RAD54B: variants seen among roughly 807,000 people sequenced by gnomAD.
RAD54B encodes the protein RAD54 homolog B, also known as DNA repair and recombination protein RAD54B.
Under a neutral mutation model 95.8 loss-of-function variants are expected in RAD54B, and 78 were observed. The observed-to-expected ratio is 0.81, with a 90% CI of 0.68 to 0.98. The LOEUF (loss-of-function observed/expected upper bound fraction) is 0.98. Ranked by LOEUF, RAD54B falls within the 50% of genes least tolerant of loss-of-function variation. The pLI, the probability that RAD54B is intolerant of heterozygous loss-of-function variation, is 0.00. For missense variants in RAD54B, 957 were observed against 1,056.6 expected, an observed-to-expected ratio of 0.91 and a Z score of 1.31; for synonymous variants, 328 against 354.9, an observed-to-expected ratio of 0.92 and a Z score of 0.85.
In RAD54B at chr8:94,378,645, TA is replaced by T; in HGVS notation, c.2248-12del. ...TACTCTAGACATTGCCTATAGAAAA[TA>T]AGTGAGAATTCTGAGAGTACAGTAG... On this transcript the variant is annotated splice_polypyrimidine_tract_variant and intron_variant, in intron 12 of 14. Transcript: ENST00000336148. 6.3e-7 allele frequency: 1 copy of T among 1,580,774 alleles called. No individual in the cohort carries two copies. The highest frequency in any genetic ancestry group is 8.6e-7 in the Non-Finnish European group (1 of 1,157,194).
rs1811427146 is a variant in RAD54B, at chr8:94,407,632, T to C, written c.588A>G (p.Val196=). 1.2e-6 allele frequency: 2 copies of C among 1,613,904 alleles called. No individual in the cohort carries two copies. The highest frequency in any genetic ancestry group is 1.1e-5 in the South Asian group (1 of 91,074). Residue 196 remains valine (V), a synonymous_variant, in exon 5 of 15, where the codon GTA becomes GTG. Transcript: ENST00000336148. ...ICGKEIEVMG[V]ISPDDFSSGR... The stretch of plus-strand genomic sequence containing the variant: ...CACTGCTGAAGTCATCTGGAGAGAT[T>C]ACACCCATGACTTCTATTTCTTTTC...
intron 3 of RAD54B, chr8:94,429,705 G>T: frequency 1.3e-5 from 13 of 983,430 alleles, no homozygotes; most frequent in African/African-American, 1.7e-5. Context: ...AAAGAGAAAA[G>T]GTAACATTGT....
intron 4 of RAD54B, among the ~76,000 whole-genome samples, chr8:94,408,385 T>C (rs1043453046): frequency 2.6e-5 from 4 of 152,178 alleles, no homozygotes; most frequent in Non-Finnish European, 2.9e-5. Context: ...ACTAACCACA[T>C]AGATGGCATT....
At chr8:94,442,210 C>T (rs2130136592) in intron 3 of RAD54B, among the ~76,000 whole-genome samples, 1 of 152,190 alleles carries the variant, frequency 6.6e-6, no homozygotes, top group Middle Eastern at 3.4e-3. Flanking sequence ...GAAGTAGAGA[C>T]TTGATTAGTG....
intron 11 of RAD54B, among the ~76,000 whole-genome samples, chr8:94,384,568 A>AAACT (rs1810825177): frequency 6.6e-6 from 1 of 152,144 alleles, no homozygotes; most frequent in African/African-American, 2.4e-5. Context: ...TTTGTTTGCA[A>AAACT]GATGCAAAGA....
chr8:94,465,143 G>GGAAA (rs1166538593), intron 2 of RAD54B, among the ~76,000 whole-genome samples: 1 of 151,940 alleles, frequency 6.6e-6, no homozygotes, highest in African/African-American at 2.4e-5. Context: ...ATTTTAAAAA[G>GGAAA]GAAAGAAAGA....
At chr8:94,456,762 T>C (rs1812789340) in intron 3 of RAD54B, among the ~76,000 whole-genome samples, 2 of 152,094 alleles carry the variant, frequency 1.3e-5, no homozygotes. Flanking sequence ...ACTAAACAGG[T>C]CTCTCATCTC....
chr8:94,391,274 C>G (rs1309154745), intron 10 of RAD54B, among the ~76,000 whole-genome samples: 2 of 151,040 alleles, frequency 1.3e-5, no homozygotes, highest in Non-Finnish European at 2.9e-5. Context: ...TTGTCAGCAC[C>G]AAACAAACAA....
At chr8:94,437,211 G>A (rs1812289097) in intron 3 of RAD54B, among the ~76,000 whole-genome samples, 1 of 152,244 alleles carries the variant, frequency 6.6e-6, no homozygotes. Flanking sequence ...CTAATTTAGT[G>A]AGAATATCAA....
intron 1 of RAD54B, among the ~76,000 whole-genome samples, chr8:94,469,062 G>C (rs1813101762): frequency 6.8e-6 from 1 of 148,050 alleles, no homozygotes; most frequent in Admixed American, 6.7e-5. Context: ...GGAGGCCAAA[G>C]TGGGAGGATC....
intron 3 of RAD54B, among the ~76,000 whole-genome samples, chr8:94,437,234 T>A (rs936990427): frequency 2.0e-5 from 3 of 152,234 alleles, no homozygotes; most frequent in African/African-American, 7.2e-5. Flanking sequence ...TTCACACATG[T>A]ATGCCTAGCT....
chr8:94,425,528 T>C (rs1034781999), intron 3 of RAD54B, among the ~76,000 whole-genome samples: 4 of 152,178 alleles, frequency 2.6e-5, no homozygotes. Flanking sequence ...CATTAACATA[T>C]AACTGCAATA....
intron 1 of RAD54B, among the ~76,000 whole-genome samples, chr8:94,468,478 G>A (rs1403569312): frequency 6.6e-6 from 1 of 151,904 alleles, no homozygotes; most frequent in Non-Finnish European, 1.5e-5. Flanking sequence ...AAAGGATGAG[G>A]CCGGAGGATC....
intron 14 of RAD54B, among the ~76,000 whole-genome samples, chr8:94,373,469 A>G (rs1810489535): frequency 6.6e-6 from 1 of 152,126 alleles, no homozygotes; most frequent in Non-Finnish European, 1.5e-5. Context: ...CAAACTGAAC[A>G]ATTTTCTACT....
At chr8:94,461,495 T>C (rs1447034891) in intron 2 of RAD54B, among the ~76,000 whole-genome samples, 1 of 152,028 alleles carries the variant, frequency 6.6e-6, no homozygotes, top group East Asian at 1.9e-4. Context: ...ATAAATTTCA[T>C]GGTTAGTAAA....
At chr8:94,464,335 T>C (rs1239054437) in intron 2 of RAD54B, among the ~76,000 whole-genome samples, 1 of 152,106 alleles carries the variant, frequency 6.6e-6, no homozygotes, top group Non-Finnish European at 1.5e-5. Context: ...AAGGGGACCA[T>C]GAGCCAAGGA....
At chr8:94,390,510 A>G (rs1250955475) in intron 10 of RAD54B, among the ~76,000 whole-genome samples, 9 of 149,688 alleles carry the variant, frequency 6.0e-5, no homozygotes, top group Non-Finnish European at 1.3e-4. Context: ...CAAAAAATAA[A>G]TAAATAAACA....
intron 3 of RAD54B, among the ~76,000 whole-genome samples, chr8:94,444,742 C>T (rs1292874980): frequency 6.7e-6 from 1 of 150,116 alleles, no homozygotes; most frequent in Non-Finnish European, 1.5e-5. Context: ...TAGCCAACAC[C>T]TGACTATAGG....
chr8:94,392,702 A>G (rs955194080), intron 9 of RAD54B, among the ~76,000 whole-genome samples: 2 of 148,762 alleles, frequency 1.3e-5, no homozygotes, highest in Non-Finnish European at 3.0e-5. Context: ...GGCTCAAGCA[A>G]TCCTCCCACC....
Sources: gnomAD v4.1 joint callset for allele counts (sites outside exome capture counted in the v4.1 genomes callset) on GRCh38, gnomAD v4.1.1 for gene constraint, MANE v1.5 for transcripts, NCBI Gene and HGNC (gene_info 2026-07-23, HGNC 2026-07-21) for gene names.